The following RFX4 variants were observed in gnomAD, a reference collection of about 807,000 sequenced individuals.
RFX4 encodes the protein regulatory factor X4.
In RFX4, 10 loss-of-function variants were observed where a neutral mutation model predicts 95.0. That is an observed-to-expected ratio of 0.11 (90% CI 0.06 to 0.18). The LOEUF (loss-of-function observed/expected upper bound fraction) is 0.18. Among genes scored for constraint, RFX4 ranks in the 10% least tolerant of loss-of-function variants. RFX4 has a pLI of 1.00. For synonymous variants in RFX4, 321 were observed against 340.7 expected, an observed-to-expected ratio of 0.94 and a Z score of 0.64; for missense variants, 640 against 922.0, an observed-to-expected ratio of 0.69 and a Z score of 3.96.
At chr12:106,654,980 C>T (rs1461460118) in intron 4 of RFX4, among the ~76,000 whole-genome samples, 1 of 150,812 alleles carries the variant, frequency 6.6e-6, no homozygotes, top group Non-Finnish European at 1.5e-5. Flanking sequence ...TACATCTAAA[C>T]CTTCCTCCTT....
At chr12:106,726,078 G>T (rs933213759) in intron 13 of RFX4, among the ~76,000 whole-genome samples, 2 of 151,670 alleles carry the variant, frequency 1.3e-5, no homozygotes, top group African/African-American at 4.8e-5. Flanking sequence ...GTGAAACCCC[G>T]TCTCTACTAA....
In RFX4 at chr12:106,646,036, T is replaced by G. The variant is rs934574265; in HGVS notation, c.191+6644T>G. ...AACTTTTTTTAAAAAAAGTATTTTG[T>G]GCTGTGGGTAAATGTGTCAAATGGT... On this transcript the variant is annotated intron_variant, in intron 3 of 17. Coordinates refer to ENST00000392842, the MANE Select transcript of RFX4 (RefSeq NM_213594.3). The G allele has an allele frequency of 2.4e-5, 24 of 992,332 alleles. No homozygotes were observed. The East Asian group carries it at 7.8e-4, about 32-fold the overall frequency. The allele number at this position is 992,332 out of a possible 1,614,324, so 61.5% of individuals were successfully genotyped here. A position where few individuals can be genotyped will look rare whatever the true frequency, so the allele number is the denominator to read the frequency against.
chr12:106,637,964 T>A, intron 2 of RFX4, among the ~76,000 whole-genome samples: 1 of 152,244 alleles, frequency 6.6e-6, no homozygotes, highest in Non-Finnish European at 1.5e-5. Context: ...TAATTCTTCT[T>A]ATTAATAGAC....
intron 1 of RFX4, among the ~76,000 whole-genome samples, chr12:106,606,520 G>A (rs142431287): frequency 1.6e-4 from 25 of 152,308 alleles, no homozygotes; most frequent in South Asian, 8.3e-4. Context: ...AACCAGATGT[G>A]CGTTTGGATA....
chr12:106,658,616 C>A (rs11113075), intron 4 of RFX4, among the ~76,000 whole-genome samples: 1 of 151,984 alleles, frequency 6.6e-6, no homozygotes, highest in Non-Finnish European at 1.5e-5. Context: ...GGTTGGGAGA[C>A]AGTGGGGGAG....
intron 15 of RFX4, among the ~76,000 whole-genome samples, chr12:106,744,568 A>G (rs1325742178): frequency 6.6e-6 from 1 of 152,238 alleles, no homozygotes; most frequent in Non-Finnish European, 1.5e-5. Flanking sequence ...AAACTCTCTG[A>G]CATATATTAC....
At chr12:106,743,881 G>A (rs1213673686) in intron 15 of RFX4, among the ~76,000 whole-genome samples, 2 of 152,112 alleles carry the variant, frequency 1.3e-5, no homozygotes, top group African/African-American at 4.8e-5. Context: ...TGCTGTGGCT[G>A]GTTCATTGTT....
rs991058566 is a variant in RFX4 at position 106,711,017 on chromosome 12, G to A, written c.935-436G>A. On this transcript the variant is annotated intron_variant, in intron 9 of 17. Transcript: ENST00000392842. ...GAAGCACCTCCTAGCCCCACACACC[G>A]CTGAGGCTCAATCAAGGTTTACTAT... is the stretch of plus-strand genomic sequence containing the variant. 3.9e-5 allele frequency among the ~76,000 whole-genome samples: 6 copies of A among 152,272 alleles called. No individual in the cohort carries two copies. In the South Asian group the frequency reaches 6.2e-4, roughly 16 times the overall value.
At chr12:106,665,362 A>T (rs2041155425) in intron 4 of RFX4, among the ~76,000 whole-genome samples, 3 of 151,860 alleles carry the variant, frequency 2.0e-5, no homozygotes, top group Admixed American at 2.0e-4. Context: ...ATTTACTTTT[A>T]ATCTACATGG....
At chr12:106,620,498 C>T (rs2040161714) in intron 2 of RFX4, among the ~76,000 whole-genome samples, 2 of 151,912 alleles carry the variant, frequency 1.3e-5, no homozygotes, top group Non-Finnish European at 2.9e-5. Flanking sequence ...CTTCAAAGGG[C>T]AAAAAGCAGA....
intron 9 of RFX4, among the ~76,000 whole-genome samples, chr12:106,710,696 A>C (rs1393365620): frequency 1.3e-5 from 2 of 152,190 alleles, no homozygotes; most frequent in South Asian, 4.1e-4. Flanking sequence ...GTCTGGAGGA[A>C]GCTGTTCTTC....
chr12:106,639,372 C>T lies in RFX4; in HGVS notation c.171C>T (p.Ser57=), dbSNP rs761630527. 27 of 1,613,720 alleles carry T rather than the reference C, an allele frequency of 1.7e-5. No individual in the cohort carries two copies. In the Admixed American group the frequency reaches 4.2e-4, roughly 25 times the overall value. ...ATAATAGAGCATCCAAGCCCCACTCCACTCCTGCTACTCTGCAATGGTAAG... is the reference window on the plus strand; with the variant it reads ...ATAATAGAGCATCCAAGCCCCACTCTACTCCTGCTACTCTGCAATGGTAAG... ...KENNRASKPH[S]TPATLQWLEE... The change falls in exon 3 of 18, where the codon TCC becomes TCT. Residue 57 remains serine (S), a synonymous_variant. Coordinates refer to ENST00000392842, the MANE Select transcript of RFX4 (RefSeq NM_213594.3).
chr12:106,732,206 G>C lies in RFX4; in HGVS notation c.1428G>C (p.Arg476=), dbSNP rs754365045. ...TAGAATCTCTGCACTGTCAGGAGCG[G>C]GCCAATGAGCTCATGCGAGCCATGA... ...YLLESLHCQE[R]ANELMRAMKG... Residue 476 remains arginine, a synonymous_variant, in exon 14 of 18, where the codon CGG becomes CGC. Coordinates refer to ENST00000392842, the MANE Select transcript of RFX4 (RefSeq NM_213594.3). 1.2e-6 allele frequency: 2 copies of C among 1,613,980 alleles called. No individual in the cohort carries two copies. The highest frequency in any genetic ancestry group is 2.2e-5 in the South Asian group (2 of 91,064).
At chr12:106,624,922 C>T (rs142802529) in intron 2 of RFX4, among the ~76,000 whole-genome samples, 77 of 152,222 alleles carry the variant, frequency 5.1e-4, no homozygotes, top group Middle Eastern at 6.8e-3. Context: ...AATGCCTTCT[C>T]GGGGTGTGAT....
intron 2 of RFX4, among the ~76,000 whole-genome samples, chr12:106,615,074 G>A (rs1321410717): frequency 3.9e-5 from 6 of 152,134 alleles, no homozygotes; most frequent in Non-Finnish European, 2.9e-5. Context: ...TGAAGTTCAT[G>A]AAGGTCTTTT....
intron 2 of RFX4, among the ~76,000 whole-genome samples, chr12:106,630,013 C>T (rs1023677234): frequency 2.6e-5 from 4 of 152,172 alleles, no homozygotes; most frequent in African/African-American, 9.6e-5. Context: ...GGTGTAATTT[C>T]TATGTTTATT....
intron 5 of RFX4, chr12:106,683,660 G>T (rs192309074): frequency 6.6e-6 from 1 of 152,028 alleles, no homozygotes; most frequent in African/African-American, 2.4e-5. Flanking sequence ...TGGATAGAAC[G>T]ATATGGAATA....
At chr12:106,726,904 T>A (rs1231955341) in intron 13 of RFX4, among the ~76,000 whole-genome samples, 1 of 152,146 alleles carries the variant, frequency 6.6e-6, no homozygotes, top group East Asian at 1.9e-4. Context: ...CCCAAGTAGC[T>A]GGGATTACAG....
At chr12:106,732,841 A>T in intron 14 of RFX4, 83 bp from the exon 15 acceptor site, 1 of 1,361,090 alleles carries the variant, frequency 7.3e-7, no homozygotes, top group Non-Finnish European at 1.0e-6. Flanking sequence ...CACAGATTAG[A>T]ATAATATTTC....
Sources: gnomAD v4.1 joint callset for allele counts (sites outside exome capture counted in the v4.1 genomes callset) on GRCh38, gnomAD v4.1.1 for gene constraint, MANE v1.5 for transcripts, NCBI Gene and HGNC (gene_info 2026-07-23, HGNC 2026-07-21) for gene names.